Variants in SAMD4B observed in about 807,000 individuals in gnomAD.
The protein encoded by SAMD4B is sterile alpha motif domain containing 4B.
Under a neutral mutation model 74.5 loss-of-function variants are expected in SAMD4B, and 5 were observed. The ratio of observed to expected loss-of-function variants is 0.07; its 90% CI spans 0.04 to 0.14. The LOEUF (loss-of-function observed/expected upper bound fraction) is 0.14. Among genes scored for constraint, SAMD4B ranks in the 10% least tolerant of loss-of-function variants. The pLI is 1.00. For missense variants in SAMD4B, 608 were observed against 921.8 expected, an observed-to-expected ratio of 0.66 and a Z score of 4.41; for synonymous variants, 373 against 374.9, an observed-to-expected ratio of 1.00 and a Z score of 0.06.
chr19:39,369,629 G>A (rs867770538), intron 3 of SAMD4B, 26 bp from the exon 4 acceptor site: 3 of 1,600,304 alleles, frequency 1.9e-6, no homozygotes, highest in Middle Eastern at 3.3e-4. Flanking sequence ...TGGCTCTCCT[G>A]ATATTTCTTC....
rs928618569 is a variant in SAMD4B at position 39,374,354 on chromosome 19, C to T, written c.668-1296C>T. Among the ~76,000 whole-genome samples, 5 of 152,122 alleles carry T rather than the reference C, an allele frequency of 3.3e-5. No homozygotes were observed. In the South Asian group the frequency reaches 8.3e-4, roughly 25 times the overall value. On this transcript the variant is annotated intron_variant, in intron 4 of 13. Transcript: ENST00000610417. ...CATCCTTCAGAAGAGGACCTGGGAT[C>T]ACCCTGAGTCACCAGGCCTCATGAG...
chr19:39,390,363 C>T (rs1438753824), downstream of SAMD4B: 4 of 1,423,394 alleles, frequency 2.8e-6, no homozygotes, highest in South Asian at 4.8e-5. Context: ...GCTTCCCCAA[C>T]CTTTCAAAAG....
intron 4 of SAMD4B, among the ~76,000 whole-genome samples, chr19:39,372,756 C>A (rs1253129511): frequency 6.6e-6 from 1 of 152,142 alleles, no homozygotes; most frequent in African/African-American, 2.4e-5. Flanking sequence ...CTGCCTACTT[C>A]TTGGCTGAGA....
intron 2 of SAMD4B, among the ~76,000 whole-genome samples, chr19:39,356,077 A>G (rs2076326442): frequency 6.6e-6 from 1 of 152,176 alleles, no homozygotes; most frequent in African/African-American, 2.4e-5. Flanking sequence ...CCATGCCCAC[A>G]CCTGATAGAT....
intron 4 of SAMD4B, among the ~76,000 whole-genome samples, chr19:39,374,561 G>C (rs1423161785): frequency 1.3e-5 from 2 of 152,176 alleles, no homozygotes; most frequent in African/African-American, 4.8e-5. Flanking sequence ...AAGTAAACAG[G>C]CTGGGCGCAG....
Position 39,384,105 on chromosome 19 carries a change from C to T in SAMD4B, c.*578C>T. 3.6e-6 allele frequency: 1 copy of T among 275,122 alleles called. No homozygotes were observed. 17.0% of individuals were successfully genotyped at this position (275,122 alleles called of 1,614,324 possible). On this transcript the variant is annotated 3_prime_UTR_variant, in exon 14 of 14. Transcript: ENST00000610417. ...GGAGCCACCTTCCTCTCTCTCACCT[C>T]CCCTGGCCCTGTTCACCAGAGGTTC...
At position 39,380,750 on chromosome 19, in the gene SAMD4B, C is replaced by A; in HGVS notation, c.1813C>A (p.Leu605Ile). The A allele has an allele frequency of 6.3e-7, 1 of 1,582,312 alleles. No individual in the cohort carries two copies. ...GIGGVSPRHA[L>I]TSPSLGGQGR... ...TGGGGGTGTCTCCCCTCGACATGCC[C>A]TCACCAGCCCCAGCCTTGGAGGCCA... The change falls in exon 11 of 14, where the codon CTC (leucine) becomes ATC (isoleucine). Residue 605 changes from leucine (L) to isoleucine (I), a missense_variant. This residue lies in a region of SAMD4B where 167 missense variants were observed against 193.0 expected (regional missense o/e 0.87). Coordinates refer to ENST00000610417, the MANE Select transcript of SAMD4B (RefSeq NM_001384574.2).
intron 4 of SAMD4B, among the ~76,000 whole-genome samples, chr19:39,374,968 G>A (rs1367753635): frequency 6.6e-6 from 1 of 152,202 alleles, no homozygotes; most frequent in African/African-American, 2.4e-5. Flanking sequence ...GGTGGGCAGT[G>A]ACTTCAGATT....
intron 3 of SAMD4B, among the ~76,000 whole-genome samples, chr19:39,357,563 G>A (rs1476941026): frequency 6.6e-6 from 1 of 152,230 alleles, no homozygotes; most frequent in African/African-American, 2.4e-5. Flanking sequence ...TTTGAATTTA[G>A]ATACAGTTCA....
intron 7 of SAMD4B, 136 bp from the exon 8 acceptor site, chr19:39,377,349 T>C: frequency 3.1e-6 from 2 of 653,750 alleles, no homozygotes; most frequent in Non-Finnish European, 5.2e-6. Flanking sequence ...GCAGTACCCT[T>C]ACATGCCTTC....
downstream of SAMD4B, chr19:39,389,343 T>A: frequency 6.2e-7 from 1 of 1,614,182 alleles, no homozygotes; most frequent in Non-Finnish European, 8.5e-7. This position sits in a 1 kb window ranked among gnomAD's most constrained non-coding sequence, Gnocchi z 5.3. Context: ...ATGTACTCTG[T>A]CTTTCGCATC....
chr19:39,389,349 G>A (rs775209420), downstream of SAMD4B: 6 of 1,614,038 alleles, frequency 3.7e-6, no homozygotes, highest in Non-Finnish European at 5.1e-6. The surrounding 1 kb of genome is among the most constrained non-coding windows in gnomAD (Gnocchi z 5.3). Context: ...TCTGTCTTTC[G>A]CATCCATGGC....
In SAMD4B at chr19:39,342,504, CGA is replaced by C. The variant is rs2075359175; in HGVS notation, c.-335_-334del. 5.8e-6 allele frequency: 1 copy of C among 173,822 alleles called. No homozygotes were observed. The highest frequency in any genetic ancestry group is 1.2e-5 in the Non-Finnish European group (1 of 85,106). 10.8% of individuals were successfully genotyped at this position (173,822 alleles called of 1,614,324 possible). On this transcript the variant is annotated 5_prime_UTR_variant, in exon 1 of 14. Transcript: ENST00000610417. The stretch of plus-strand genomic sequence containing the variant: ...GAGGAGGGAGGGGAGCTTGCGGGCC[CGA>C]GAGGGGGCGACGGCGGCGGCGGTGG...
intron 4 of SAMD4B, among the ~76,000 whole-genome samples, chr19:39,374,591 C>T (rs370911786): frequency 2.8e-3 from 425 of 152,292 alleles, no homozygotes; most frequent in African/African-American, 9.8e-3. Flanking sequence ...CCTGTAATCC[C>T]AGCACTTTAG....
chr19:39,362,381 A>G (rs2076708562), intron 3 of SAMD4B, among the ~76,000 whole-genome samples: 1 of 152,170 alleles, frequency 6.6e-6, no homozygotes, highest in African/African-American at 2.4e-5. Flanking sequence ...GTCGGGGCTT[A>G]TAGCTGTGGA....
At chr19:39,390,370 A>G (rs1277472760), downstream of SAMD4B, 5 of 1,322,156 alleles carry the variant, frequency 3.8e-6, no homozygotes, top group Non-Finnish European at 5.2e-6. Flanking sequence ...CAACCTTTCA[A>G]AAGGTAGGAG....
In SAMD4B at chr19:39,356,862, C is replaced by A; in HGVS notation, c.-32C>A. ...TGACGGCGCTGGCCCTCGCCACCGCCGTCCCCCGACCCTGGCCCCAGGCCC... is the reference window on the plus strand; with the variant it reads ...TGACGGCGCTGGCCCTCGCCACCGCAGTCCCCCGACCCTGGCCCCAGGCCC... On this transcript the variant is annotated 5_prime_UTR_variant, in exon 3 of 14. Coordinates refer to ENST00000610417, the MANE Select transcript of SAMD4B (RefSeq NM_001384574.2). 3 of 1,575,106 alleles carry A rather than the reference C, an allele frequency of 1.9e-6. No homozygotes were observed. Among genetic ancestry groups the A allele is most frequent in the Non-Finnish European group, 1.7e-6 (2 of 1,155,084 alleles).
chr19:39,390,589 C>G (rs1432795715), downstream of SAMD4B, among the ~76,000 whole-genome samples: 1 of 152,182 alleles, frequency 6.6e-6, no homozygotes, highest in Non-Finnish European at 1.5e-5. Context: ...GAGGGGTCTC[C>G]AAACGGTTGA....
intron 3 of SAMD4B, among the ~76,000 whole-genome samples, chr19:39,365,396 A>G (rs975397702): frequency 3.3e-5 from 5 of 152,150 alleles, no homozygotes; most frequent in Admixed American, 6.5e-5. Context: ...TCTACTCAAA[A>G]TATAAAAATT....
Sources: gnomAD v4.1 joint callset for allele counts (sites outside exome capture counted in the v4.1 genomes callset) on GRCh38, gnomAD v4.1.1 for gene constraint, gnomAD v4.1.1 regional missense constraint, Gnocchi (gnomAD v3.1) non-coding constraint, MANE v1.5 for transcripts, NCBI Gene and HGNC (gene_info 2026-07-23, HGNC 2026-07-21) for gene names.